FAM118B: variants seen among roughly 807,000 people sequenced by gnomAD.
FAM118B encodes SIR2 antiphage like 1, also known as protein FAM118B.
A neutral mutation model predicts 38.5 loss-of-function variants in FAM118B; 24 were observed. The ratio of observed to expected loss-of-function variants is 0.62; its 90% confidence interval spans 0.45 to 0.88. The LOEUF is 0.88. Among genes scored for constraint, FAM118B ranks in the 40% least tolerant of loss-of-function variants. The pLI is 0.00. For synonymous variants in FAM118B, 138 were observed against 156.3 expected, an observed-to-expected ratio of 0.88 and a Z score of 0.87; for missense variants, 334 against 420.0, an observed-to-expected ratio of 0.80 and a Z score of 1.79.
intron 7 of FAM118B, among the ~76,000 whole-genome samples, chr11:126,258,247 G>T (rs1950611637): frequency 6.6e-6 from 1 of 151,992 alleles, no homozygotes; most frequent in Non-Finnish European, 1.5e-5. Context: ...AATTAGCCAG[G>T]TGTGGTGGCA....
chr11:126,238,626 C>G (rs887861847), intron 3 of FAM118B, among the ~76,000 whole-genome samples: 4 of 152,254 alleles, frequency 2.6e-5, no homozygotes, highest in African/African-American at 9.6e-5. Flanking sequence ...GTGCAGTGTT[C>G]TCAGATATAG....
chr11:126,222,467 G>C (rs1950076485), intron 1 of FAM118B, among the ~76,000 whole-genome samples: 1 of 152,204 alleles, frequency 6.6e-6, no homozygotes, highest in Admixed American at 6.5e-5. Context: ...AGTGGACTGA[G>C]AGGAAAGTGC....
At chr11:126,233,790 A>G in intron 2 of FAM118B, 1 of 452,502 alleles carries the variant, frequency 2.2e-6, no homozygotes, top group Non-Finnish European at 4.4e-6. Context: ...ATAAAGAAAA[A>G]GGCTTTTTTG....
Position 126,262,956 on chromosome 11 carries a change from T to C in FAM118B, c.*823T>C, listed in dbSNP as rs1950733089. ...AAGGCAATTTATTTATGAAATTTAT[T>C]TTCTTATATAAATTACTTATTTCTC... On this transcript the variant is annotated 3_prime_UTR_variant, in exon 9 of 9. Coordinates refer to ENST00000533050, the MANE Select transcript of FAM118B (RefSeq NM_024556.4). 6.6e-6 allele frequency: 1 copy of C among 152,650 alleles called. No individual in the cohort carries two copies. Among genetic ancestry groups the C allele is most frequent in the African/African-American group, 2.4e-5 (1 of 41,452 alleles). 9.5% of individuals were successfully genotyped at this position (152,650 alleles called of 1,614,324 possible).
In FAM118B at chr11:126,262,411, C is replaced by A; in HGVS notation, c.*278C>A. The A allele has an allele frequency of 2.0e-6, 1 of 505,332 alleles. No homozygotes were observed. 31.3% of individuals were successfully genotyped at this position (505,332 alleles called of 1,614,324 possible). On this transcript the variant is annotated 3_prime_UTR_variant, in exon 9 of 9. Transcript: ENST00000533050. ...TCCCCAGGCTAGACATGCTTGTGTCCACACAGCACACCAATGTGATACTTC... is the reference window on the plus strand; with the variant it reads ...TCCCCAGGCTAGACATGCTTGTGTCAACACAGCACACCAATGTGATACTTC...
At chr11:126,216,316 C>T (rs1366068241) in intron 1 of FAM118B, among the ~76,000 whole-genome samples, 3 of 151,906 alleles carry the variant, frequency 2.0e-5, no homozygotes. Flanking sequence ...ATGGAGGTTG[C>T]GGTGAGTCGA....
chr11:126,238,593 A>G (rs1285718466), intron 3 of FAM118B, among the ~76,000 whole-genome samples: 4 of 152,180 alleles, frequency 2.6e-5, no homozygotes, highest in Non-Finnish European at 5.9e-5. Flanking sequence ...ACAGACTTTT[A>G]CTTAATCCCC....
chr11:126,259,755 C>A (rs1232112257), intron 7 of FAM118B, among the ~76,000 whole-genome samples: 1 of 143,208 alleles, frequency 7.0e-6, no homozygotes, highest in Non-Finnish European at 1.5e-5. Context: ...GAGTTTCTCT[C>A]TGTCACCCAG....
intron 2 of FAM118B, chr11:126,233,630 A>G (rs1036343394): frequency 7.2e-6 from 3 of 418,952 alleles, no homozygotes; most frequent in African/African-American, 2.1e-5. Flanking sequence ...AACATGATCT[A>G]CTTCCTAACT....
intron 1 of FAM118B, among the ~76,000 whole-genome samples, 173 bp downstream of exon 1, chr11:126,212,003 G>A (rs1591493784): frequency 6.6e-6 from 1 of 152,282 alleles, no homozygotes; most frequent in East Asian, 1.9e-4. Flanking sequence ...GCCCCCTTAG[G>A]AGCGATGTCC....
intron 2 of FAM118B, chr11:126,233,799 T>G: frequency 2.2e-6 from 1 of 449,616 alleles, no homozygotes; most frequent in South Asian, 1.6e-5. Flanking sequence ...AAGGCTTTTT[T>G]GGGCTGGGTG....
intron 3 of FAM118B, among the ~76,000 whole-genome samples, chr11:126,236,069 A>G (rs539829602): frequency 6.6e-6 from 1 of 152,192 alleles, no homozygotes; most frequent in Non-Finnish European, 1.5e-5. Flanking sequence ...TTCCTTCTGG[A>G]TGCTAGTCCA....
intron 3 of FAM118B, among the ~76,000 whole-genome samples, chr11:126,236,030 G>A (rs554241347): frequency 2.0e-5 from 3 of 152,154 alleles, no homozygotes; most frequent in Non-Finnish European, 4.4e-5. Flanking sequence ...GAAACACACC[G>A]ATAACTTGCT....
rs1026044393 is a variant in FAM118B, at chr11:126,250,461, C to G, written c.340-45C>G. ...TGCTGTAACTAAAACAACTGACCTA[C>G]CAAAGCACTTTGGACTAATTTTCTT... On this transcript the variant is annotated intron_variant, in intron 4 of 8. Transcript: ENST00000533050. This position sits in a 1 kb window ranked among gnomAD's most constrained non-coding sequence, Gnocchi z 5.1. 3 of 1,389,244 alleles carry G rather than the reference C, an allele frequency of 2.2e-6. No individual in the cohort carries two copies. The African/African-American group carries it at 4.3e-5, about 20-fold the overall frequency. 86.1% of individuals were successfully genotyped at this position (1,389,244 alleles called of 1,614,324 possible). A position where few individuals can be genotyped will look rare whatever the true frequency, so the allele number is the denominator to read the frequency against.
chr11:126,237,967 T>C (rs2135165420), intron 3 of FAM118B, among the ~76,000 whole-genome samples: 1 of 152,304 alleles, frequency 6.6e-6, no homozygotes, highest in South Asian at 2.1e-4. Context: ...GATTTCTCTC[T>C]ACCTGCTAGT....
intron 2 of FAM118B, among the ~76,000 whole-genome samples, chr11:126,234,692 C>G (rs1248462551): frequency 6.6e-6 from 1 of 152,064 alleles, no homozygotes; most frequent in Non-Finnish European, 1.5e-5. Context: ...AAGTGATGGC[C>G]AGTAATTGAC....
chr11:126,230,546 C>A (rs910875314), intron 2 of FAM118B, among the ~76,000 whole-genome samples: 4 of 152,176 alleles, frequency 2.6e-5, no homozygotes, highest in African/African-American at 4.8e-5. Context: ...CTTGCTGATC[C>A]TTTTACAGCA....
intron 1 of FAM118B, among the ~76,000 whole-genome samples, chr11:126,223,137 T>C (rs1162009772): frequency 6.6e-6 from 1 of 151,952 alleles, no homozygotes; most frequent in East Asian, 1.9e-4. Context: ...AAGAGGCCTG[T>C]GCGCCTCAAG....
At chr11:126,248,730 T>C (rs1272244824) in intron 4 of FAM118B, among the ~76,000 whole-genome samples, 1 of 152,164 alleles carries the variant, frequency 6.6e-6, no homozygotes, top group Non-Finnish European at 1.5e-5. Flanking sequence ...AATAATGACA[T>C]TAATCAATTC....
Sources: gnomAD v4.1 joint callset for allele counts (sites outside exome capture counted in the v4.1 genomes callset) on GRCh38, gnomAD v4.1.1 for gene constraint, Gnocchi (gnomAD v3.1) non-coding constraint, MANE v1.5 for transcripts, NCBI Gene and HGNC (gene_info 2026-07-23, HGNC 2026-07-21) for gene names.